Variants in CADM2 observed in about 807,000 individuals in gnomAD.
CADM2 encodes the protein cell adhesion molecule 2.
CADM2 carries 12 observed loss-of-function variants against 49.8 expected under a neutral mutation model. The ratio of observed to expected loss-of-function variants is 0.24; its 90% CI spans 0.15 to 0.39. The LOEUF (loss-of-function observed/expected upper bound fraction) is 0.39, where lower values mean the gene tolerates loss of function less well. CADM2 is among the 10% of genes least tolerant of loss of function. The pLI, the probability that CADM2 is intolerant of heterozygous loss-of-function variation, is 1.00. For missense variants in CADM2, 378 were observed against 492.3 expected, an observed-to-expected ratio of 0.77 and a Z score of 2.20; for synonymous variants, 214 against 175.4, an observed-to-expected ratio of 1.22 and a Z score of -1.74.
chr3:85,683,060 G>T (rs1386092817), intron 1 of CADM2, among the ~76,000 whole-genome samples: 1 of 151,728 alleles, frequency 6.6e-6, no homozygotes, highest in Non-Finnish European at 1.5e-5. Context: ...TTATTATTCT[G>T]GTGTCACTAT....
intron 3 of CADM2, among the ~76,000 whole-genome samples, chr3:85,806,109 C>T (rs1170432102): frequency 6.6e-6 from 1 of 150,558 alleles, no homozygotes. Flanking sequence ...GTTCTGCATC[C>T]CTGAGCTTGG....
intron 1 of CADM2, among the ~76,000 whole-genome samples, chr3:85,150,022 T>C (rs1173833740): frequency 6.6e-6 from 1 of 152,226 alleles, no homozygotes; most frequent in Non-Finnish European, 1.5e-5. Context: ...AGCGTGTATA[T>C]CCGAGTGAAG....
At chr3:85,008,193 A>C (rs1159594791) in intron 1 of CADM2, among the ~76,000 whole-genome samples, 4 of 151,984 alleles carry the variant, frequency 2.6e-5, no homozygotes, top group Admixed American at 2.6e-4. Context: ...GAGAGAGAGG[A>C]CCTCGTAATC....
chr3:85,395,072 C>A (rs1322952304), intron 1 of CADM2, among the ~76,000 whole-genome samples: 1 of 151,404 alleles, frequency 6.6e-6, no homozygotes, highest in Non-Finnish European at 1.5e-5. Context: ...AACACAACAA[C>A]CCAAATAACG....
At chr3:85,624,808 A>T in intron 1 of CADM2, among the ~76,000 whole-genome samples, 1 of 152,122 alleles carries the variant, frequency 6.6e-6, no homozygotes, top group East Asian at 1.9e-4. Flanking sequence ...ATTATTTAAT[A>T]ATTTTTAAGT....
At chr3:85,839,229 T>C (rs2074535146) in intron 3 of CADM2, among the ~76,000 whole-genome samples, 1 of 151,784 alleles carries the variant, frequency 6.6e-6, no homozygotes, top group African/African-American at 2.4e-5. Flanking sequence ...GCTGCTCCGA[T>C]TTTTTTCCCT....
intron 1 of CADM2, among the ~76,000 whole-genome samples, chr3:85,375,156 G>A (rs887276837): frequency 6.6e-6 from 1 of 152,050 alleles, no homozygotes; most frequent in African/African-American, 2.4e-5. Context: ...GAAGATTTGG[G>A]CATCTGCAAG....
intron 1 of CADM2, among the ~76,000 whole-genome samples, chr3:85,530,688 A>G (rs2061286267): frequency 6.6e-6 from 1 of 152,062 alleles, no homozygotes; most frequent in East Asian, 1.9e-4. Context: ...GTGAGAATGG[A>G]TTAATACAGA....
chr3:85,174,194 G>A (rs1257683220), intron 1 of CADM2, among the ~76,000 whole-genome samples: 1 of 152,042 alleles, frequency 6.6e-6, no homozygotes, highest in Non-Finnish European at 1.5e-5. Context: ...CCTAAACATT[G>A]GCTCTTTCCT....
chr3:86,004,033 C>T (rs1361092864), intron 8 of CADM2, among the ~76,000 whole-genome samples: 1 of 151,894 alleles, frequency 6.6e-6, no homozygotes, highest in Non-Finnish European at 1.5e-5. Context: ...ACCATGGATC[C>T]TTTGCTCTAT....
At chr3:85,002,727 C>A (rs758845261) in intron 1 of CADM2, among the ~76,000 whole-genome samples, 28 of 152,116 alleles carry the variant, frequency 1.8e-4, no homozygotes, top group Non-Finnish European at 4.0e-4. Flanking sequence ...CATGTAGAGT[C>A]ATTGAGCAGA....
At chr3:85,515,628 T>C (rs1374098756) in intron 1 of CADM2, among the ~76,000 whole-genome samples, 2 of 101,798 alleles carry the variant, frequency 2.0e-5, no homozygotes, top group African/African-American at 7.5e-5. Context: ...TATATATATA[T>C]ATATTTTTTT....
At chr3:85,102,432 A>G (rs984011804) in intron 1 of CADM2, among the ~76,000 whole-genome samples, 105 of 152,314 alleles carry the variant, frequency 6.9e-4, no homozygotes, top group African/African-American at 2.3e-3. Context: ...GATGTTTAAT[A>G]TACATAATCA....
chr3:85,456,740 C>G (rs1340640968), intron 1 of CADM2, among the ~76,000 whole-genome samples: 1 of 151,786 alleles, frequency 6.6e-6, no homozygotes, highest in Non-Finnish European at 1.5e-5. Context: ...CTACTTTTTT[C>G]AGTGACAGGA....
chr3:85,439,812 A>C (rs1242758290), intron 1 of CADM2, among the ~76,000 whole-genome samples: 5 of 152,176 alleles, frequency 3.3e-5, no homozygotes, highest in Non-Finnish European at 7.3e-5. Context: ...TTTTCTGTTC[A>C]GAATATTCAG....
In CADM2 at chr3:85,539,102, T is replaced by A. The variant is rs1029962586; in HGVS notation, c.62-187420T>A. ...ATAACCTTCTCGGTTTAAATGACAC[T>A]TAAAGATAATTTAAATGACAATTAT... On this transcript the variant is annotated intron_variant, in intron 1 of 9. Transcript: ENST00000383699. Among the ~76,000 whole-genome samples, 14 of 150,944 alleles carry A rather than the reference T, an allele frequency of 9.3e-5. No individual in the cohort carries two copies. The Admixed American group carries it at 9.3e-4, about 10-fold the overall frequency.
In CADM2 at chr3:85,859,224, C is replaced by CTT. The variant is rs397990427; in HGVS notation, c.239-24042_239-24041dup. Among the ~76,000 whole-genome samples the CTT allele has an allele frequency of 4.5e-3, 321 of 70,614 alleles. 65 individuals carry two copies. Among genetic ancestry groups the CTT allele is most frequent in the South Asian group, 0.023 (37 of 1,584 alleles). 46.3% of individuals were successfully genotyped at this position (70,614 alleles called of 152,430 possible). A position where few individuals can be genotyped will look rare whatever the true frequency, so the allele number is the denominator to read the frequency against. ...TACCTTGTGCTTTTCTTTTTTTTGT[C>CTT]TTTTTTTTTTTTTTTTTTTTTTTTT... is the stretch of plus-strand genomic sequence containing the variant. On this transcript the variant is annotated intron_variant, in intron 3 of 9. Transcript: ENST00000383699.
chr3:85,783,030 C>G (rs1457226533), intron 2 of CADM2, among the ~76,000 whole-genome samples: 1 of 151,828 alleles, frequency 6.6e-6, no homozygotes, highest in Non-Finnish European at 1.5e-5. Context: ...AAAACAGGGC[C>G]CAATATTAGT....
intron 1 of CADM2, among the ~76,000 whole-genome samples, chr3:85,399,574 G>T (rs1017821449): frequency 6.6e-6 from 1 of 152,140 alleles, no homozygotes; most frequent in African/African-American, 2.4e-5. Context: ...GGGCAGTATG[G>T]CCATTTTCAT....
Sources: gnomAD v4.1 joint callset for allele counts (sites outside exome capture counted in the v4.1 genomes callset) on GRCh38, gnomAD v4.1.1 for gene constraint, MANE v1.5 for transcripts, NCBI Gene and HGNC (gene_info 2026-07-23, HGNC 2026-07-21) for gene names.